PCSK5: variants seen among roughly 807,000 people sequenced by gnomAD.
PCSK5 encodes proprotein convertase subtilisin/kexin type 5.
In PCSK5, 129 loss-of-function variants were observed where a neutral mutation model predicts 233.2. That is an observed-to-expected ratio of 0.55 (90% CI 0.48 to 0.64). The LOEUF is 0.64. Among genes scored for constraint, PCSK5 ranks in the 30% least tolerant of loss-of-function variants. The probability of loss-of-function intolerance (pLI) is 0.00; values close to 1 mark genes in which losing one functional copy is unlikely to be tolerated. For missense variants in PCSK5, 2,076 were observed against 2,430.1 expected (o/e 0.85, Z 3.06); for synonymous variants, 825 against 879.2 (o/e 0.94, Z 1.09).
intron 20 of PCSK5, chr9:76,195,058 C>G (rs1824623431): frequency 1.8e-5 from 3 of 165,836 alleles, no homozygotes; most frequent in African/African-American, 7.2e-5. Flanking sequence ...AGTCTGATGA[C>G]CCTCTTAATA....
intron 1 of PCSK5, among the ~76,000 whole-genome samples, chr9:75,922,109 A>G (rs1823284368): frequency 6.6e-6 from 1 of 152,180 alleles, no homozygotes; most frequent in Non-Finnish European, 1.5e-5. Flanking sequence ...CATAGTACAC[A>G]CTCAGTTAAT....
intron 24 of PCSK5, among the ~76,000 whole-genome samples, chr9:76,275,991 G>A (rs1235268860): frequency 6.6e-6 from 1 of 152,212 alleles, no homozygotes; most frequent in African/African-American, 2.4e-5. Context: ...TCAATTAAGT[G>A]TTTATTACTT....
intron 1 of PCSK5, among the ~76,000 whole-genome samples, chr9:75,930,234 C>CA (rs1823720408): frequency 6.6e-6 from 1 of 152,122 alleles, no homozygotes; most frequent in Non-Finnish European, 1.5e-5. Context: ...AGTTATCTCC[C>CA]ACTGGGTCCC....
chr9:76,070,769 T>C (rs1157693407), intron 6 of PCSK5, among the ~76,000 whole-genome samples: 1 of 152,218 alleles, frequency 6.6e-6, no homozygotes, highest in Non-Finnish European at 1.5e-5. Context: ...TATCTAAACC[T>C]GTTTGATGTG....
chr9:76,087,642 G>C (rs1158329910), intron 7 of PCSK5, among the ~76,000 whole-genome samples: 2 of 152,212 alleles, frequency 1.3e-5, no homozygotes, highest in Admixed American at 6.5e-5. Context: ...CATTTGATAT[G>C]CTCAGGAAGC....
chr9:76,125,887 A>G (rs1264101166), intron 9 of PCSK5, among the ~76,000 whole-genome samples: 1 of 152,200 alleles, frequency 6.6e-6, no homozygotes, highest in Non-Finnish European at 1.5e-5. Context: ...AGGAGAAAGG[A>G]CAAAATGATG....
At chr9:76,193,624 G>A (rs1013169672) in intron 20 of PCSK5, 6 of 302,758 alleles carry the variant, frequency 2.0e-5, no homozygotes, top group Non-Finnish European at 2.4e-5. Flanking sequence ...AGACAGTATT[G>A]TATGACCAAA....
intron 5 of PCSK5, among the ~76,000 whole-genome samples, chr9:76,052,858 G>A (rs1347209509): frequency 6.6e-6 from 1 of 152,166 alleles, no homozygotes; most frequent in Non-Finnish European, 1.5e-5. Flanking sequence ...TGGGGTACAG[G>A]CATGGGTAAA....
chr9:76,126,568 G>A lies in PCSK5; in HGVS notation c.1209-7541G>A, dbSNP rs112805953. 2.0e-3 allele frequency among the ~76,000 whole-genome samples: 304 copies of A among 152,174 alleles called. 1 individual carries two copies. Among genetic ancestry groups the A allele is most frequent in the African/African-American group, 5.5e-3 (227 of 41,532 alleles). ...GCAGAGGTTGCAGTGAGCTGAGATC[G>A]TGCCATTGTACTCCAGCCTGGGCAA... On this transcript the variant is annotated intron_variant, in intron 9 of 37. Coordinates refer to ENST00000674117, the MANE Select transcript of PCSK5 (RefSeq NM_001372043.1).
chr9:76,332,078 C>G (rs558781201), intron 33 of PCSK5, among the ~76,000 whole-genome samples: 1 of 152,128 alleles, frequency 6.6e-6, no homozygotes. Context: ...CCACAGGCGC[C>G]GGACTGTAGT....
chr9:76,089,307 C>G (rs1378227541), intron 7 of PCSK5, among the ~76,000 whole-genome samples: 1 of 151,960 alleles, frequency 6.6e-6, no homozygotes, highest in East Asian at 1.9e-4. Flanking sequence ...GCGGTGCTTG[C>G]GAGACATCAC....
chr9:75,971,086 C>T (rs935210161), intron 2 of PCSK5, among the ~76,000 whole-genome samples: 1 of 151,654 alleles, frequency 6.6e-6, no homozygotes, highest in Admixed American at 6.6e-5. Context: ...CTTCTGCTCC[C>T]ACCCCCACCC....
chr9:75,907,061 A>G (rs1199252488), intron 1 of PCSK5, among the ~76,000 whole-genome samples: 1 of 152,086 alleles, frequency 6.6e-6, no homozygotes, highest in Non-Finnish European at 1.5e-5. Flanking sequence ...TCACCTCTTT[A>G]CCTATATTTT....
At chr9:76,010,315 C>T (rs972924227) in intron 3 of PCSK5, among the ~76,000 whole-genome samples, 1 of 152,002 alleles carries the variant, frequency 6.6e-6, no homozygotes, top group Non-Finnish European at 1.5e-5. Context: ...GCTTTTTTTC[C>T]TTGCAGCTAA....
At chr9:76,000,496 TTTC>T (rs1827216683) in intron 3 of PCSK5, among the ~76,000 whole-genome samples, 2 of 152,324 alleles carry the variant, frequency 1.3e-5, no homozygotes, top group Non-Finnish European at 2.9e-5. Flanking sequence ...CATTCTGTTA[TTTC>T]TTCTTCATTT....
chr9:76,087,731 A>G lies in PCSK5; in HGVS notation c.895-8159A>G, dbSNP rs79068996. On this transcript the variant is annotated intron_variant, in intron 7 of 37. Coordinates refer to ENST00000674117, the MANE Select transcript of PCSK5 (RefSeq NM_001372043.1). ...CTGCATCTGATAACTTCAGTGCATCATTAAAAAGTCAAAAGAACATTAAAA... is the reference window on the plus strand; with the variant it reads ...CTGCATCTGATAACTTCAGTGCATCGTTAAAAAGTCAAAAGAACATTAAAA... Among the ~76,000 whole-genome samples, 1,046 of 152,338 alleles carry G rather than the reference A, an allele frequency of 6.9e-3. 13 individuals carry two copies. The highest frequency in any genetic ancestry group is 0.023 in the African/African-American group (976 of 41,576).
chr9:76,194,745 T>C (rs1824605376), intron 20 of PCSK5: 2 of 466,384 alleles, frequency 4.3e-6, no homozygotes, highest in African/African-American at 4.0e-5. Flanking sequence ...TGACAGTTTC[T>C]CTGTTTAGGG....
At chr9:75,991,959 G>T (rs1204728875) in intron 3 of PCSK5, among the ~76,000 whole-genome samples, 1 of 152,088 alleles carries the variant, frequency 6.6e-6, no homozygotes, top group Admixed American at 6.5e-5. Flanking sequence ...AGTTAGGCTT[G>T]GTGGCATATA....
chr9:76,265,235 A>G (rs928575961), intron 24 of PCSK5, among the ~76,000 whole-genome samples: 1 of 152,050 alleles, frequency 6.6e-6, no homozygotes, highest in Non-Finnish European at 1.5e-5. Flanking sequence ...GATGACAGCA[A>G]TAGAAAACGG....
Sources: gnomAD v4.1 joint callset for allele counts (sites outside exome capture counted in the v4.1 genomes callset) on GRCh38, gnomAD v4.1.1 for gene constraint, MANE v1.5 for transcripts, NCBI Gene and HGNC (gene_info 2026-07-23, HGNC 2026-07-21) for gene names.